Variants in ATG10 observed in about 807,000 individuals in gnomAD.
ATG10 encodes autophagy related 10.
In ATG10, 30 loss-of-function variants were observed where a neutral mutation model predicts 32.1. That is an observed-to-expected ratio of 0.94 (90% CI 0.70 to 1.27). The LOEUF is 1.27. Among genes scored for constraint, ATG10 ranks in the 50% most tolerant of loss-of-function variants. ATG10 has a pLI of 0.00. For synonymous variants in ATG10, 87 were observed against 91.5 expected (o/e 0.95, Z 0.28); for missense variants, 233 against 262.3 (o/e 0.89, Z 0.77).
chr5:82,246,569 T>C (rs1261754202), intron 5 of ATG10, among the ~76,000 whole-genome samples: 3 of 151,502 alleles, frequency 2.0e-5, no homozygotes, highest in Non-Finnish European at 4.4e-5. Context: ...AAAAATAAAA[T>C]ACAGCAACTT....
chr5:82,077,106 C>T (rs1430927855), intron 3 of ATG10, among the ~76,000 whole-genome samples: 1 of 152,162 alleles, frequency 6.6e-6, no homozygotes, highest in African/African-American at 2.4e-5. Flanking sequence ...GGCGACGCTT[C>T]AGCTCAGGAG....
At chr5:82,163,924 CT>C (rs572827232) in intron 3 of ATG10, among the ~76,000 whole-genome samples, 53 of 152,276 alleles carry the variant, frequency 3.5e-4, no homozygotes, top group African/African-American at 1.3e-3. Flanking sequence ...AAATAACTTT[CT>C]TATTCAAAAT....
chr5:82,139,336 C>G (rs541901449), intron 3 of ATG10, among the ~76,000 whole-genome samples: 1 of 150,196 alleles, frequency 6.7e-6, no homozygotes, highest in South Asian at 2.2e-4. Context: ...CTCTGCCTGG[C>G]TGCCCAGTCT....
At chr5:82,085,874 A>C (rs938753475) in intron 3 of ATG10, among the ~76,000 whole-genome samples, 1 of 152,122 alleles carries the variant, frequency 6.6e-6, no homozygotes, top group African/African-American at 2.4e-5. Context: ...AGACCCTCAA[A>C]ATACATTTAA....
At chr5:82,119,867 C>T (rs1765975237) in intron 3 of ATG10, among the ~76,000 whole-genome samples, 3 of 152,058 alleles carry the variant, frequency 2.0e-5, no homozygotes, top group African/African-American at 7.2e-5. Flanking sequence ...GACTAGGTTC[C>T]TTTACATTCA....
chr5:81,992,870 T>A (rs1477005579), intron 2 of ATG10, among the ~76,000 whole-genome samples: 1 of 152,064 alleles, frequency 6.6e-6, no homozygotes, highest in African/African-American at 2.4e-5. Context: ...GTAGGCAAAA[T>A]ATTTTTAATA....
intron 2 of ATG10, among the ~76,000 whole-genome samples, chr5:82,057,024 T>C (rs1298340805): frequency 6.6e-6 from 1 of 152,142 alleles, no homozygotes; most frequent in Non-Finnish European, 1.5e-5. Context: ...ATATCCTTAA[T>C]GAAATAATTA....
At chr5:82,162,994 T>C (rs914861058) in intron 3 of ATG10, among the ~76,000 whole-genome samples, 3 of 152,176 alleles carry the variant, frequency 2.0e-5, no homozygotes, top group Non-Finnish European at 4.4e-5. Flanking sequence ...TTTTCTTTTA[T>C]GTACTTGTGC....
At chr5:82,048,523 G>A (rs1016253159) in intron 2 of ATG10, among the ~76,000 whole-genome samples, 1 of 152,074 alleles carries the variant, frequency 6.6e-6, no homozygotes, top group Non-Finnish European at 1.5e-5. Flanking sequence ...AAAAGCAATG[G>A]CAACAAAAGC....
intron 2 of ATG10, among the ~76,000 whole-genome samples, chr5:82,007,186 A>T (rs1581591379): frequency 6.6e-6 from 1 of 152,238 alleles, no homozygotes; most frequent in African/African-American, 2.4e-5. Flanking sequence ...TATTTCTACA[A>T]ATTTTGATTT....
chr5:82,055,532 A>G (rs1763563062), intron 2 of ATG10, among the ~76,000 whole-genome samples: 1 of 152,146 alleles, frequency 6.6e-6, no homozygotes, highest in Non-Finnish European at 1.5e-5. Context: ...TGTTCCCTTA[A>G]GAGGAGGTTA....
chr5:82,130,744 C>T (rs188706454), intron 3 of ATG10, among the ~76,000 whole-genome samples: 129 of 152,260 alleles, frequency 8.5e-4, no homozygotes, highest in African/African-American at 2.8e-3. Flanking sequence ...CACCTACTTT[C>T]TGCATTGATC....
intron 1 of ATG10, among the ~76,000 whole-genome samples, chr5:81,974,053 C>T (rs1418321560): frequency 3.3e-5 from 5 of 152,088 alleles, no homozygotes; most frequent in Non-Finnish European, 7.3e-5. Context: ...TAATACATTT[C>T]TGAGAAAGGT....
rs60780834 is a variant in ATG10 at position 82,161,696 on chromosome 5, A to AACACACACACACACACACACACACAC, written c.217-2691_217-2666dup. On this transcript the variant is annotated intron_variant, in intron 3 of 7. Coordinates refer to ENST00000282185, the MANE Select transcript of ATG10 (RefSeq NM_031482.5). Reference sequence around the variant, plus strand: ...GCTCAATAGAGAAGATTAGAGAATAAACACACACACACACACACACACACA... The same window carrying AACACACACACACACACACACACACAC: ...GCTCAATAGAGAAGATTAGAGAATAAACACACACACACACACACACACACACACACACACACACACACACACACACA... Among the ~76,000 whole-genome samples the AACACACACACACACACACACACACAC allele has an allele frequency of 1.4e-3, 176 of 129,716 alleles. 2 individuals carry two copies. The highest frequency in any genetic ancestry group is 1.6e-3 in the Non-Finnish European group (101 of 62,814). 85.1% of individuals were successfully genotyped at this position (129,716 alleles called of 152,430 possible).
chr5:82,132,483 T>A (rs1766581087), intron 3 of ATG10, among the ~76,000 whole-genome samples: 1 of 141,978 alleles, frequency 7.0e-6, no homozygotes, highest in Non-Finnish European at 1.5e-5. Context: ...CAACTCCCAC[T>A]TAAGAGTGAG....
At chr5:82,008,932 A>G (rs550434270) in intron 2 of ATG10, among the ~76,000 whole-genome samples, 1 of 152,384 alleles carries the variant, frequency 6.6e-6, no homozygotes, top group Admixed American at 6.5e-5. Flanking sequence ...AGAATTGTCA[A>G]ATGAACTGAA....
chr5:82,092,893 C>G (rs1261723199), intron 3 of ATG10, among the ~76,000 whole-genome samples: 3 of 152,106 alleles, frequency 2.0e-5, no homozygotes, highest in South Asian at 2.1e-4. Flanking sequence ...CTCTTGATAT[C>G]CAAATGTTCT....
rs150038077 is a variant in ATG10, at chr5:82,183,949, G to A, written c.453+5362G>A. On this transcript the variant is annotated intron_variant, in intron 5 of 7. Transcript: ENST00000282185. The stretch of plus-strand genomic sequence containing the variant: ...CTCATCTTTAGCCAGTGGAAGTCTG[G>A]CCAAAGACATTGGCTCCTGAGTCAT... 2.9e-3 allele frequency among the ~76,000 whole-genome samples: 434 copies of A among 152,260 alleles called. 1 individual carries two copies. Among genetic ancestry groups the A allele is most frequent in the African/African-American group, 1.0e-2 (414 of 41,554 alleles).
At chr5:81,980,636 A>G (rs1386370236) in intron 1 of ATG10, among the ~76,000 whole-genome samples, 1 of 152,178 alleles carries the variant, frequency 6.6e-6, no homozygotes, top group Non-Finnish European at 1.5e-5. Context: ...GTGATTTGAA[A>G]TAATTTATAG....
Sources: allele counts gnomAD v4.1 joint callset (sites outside exome capture counted in the v4.1 genomes callset), GRCh38; gene constraint gnomAD v4.1.1; transcripts MANE v1.5; gene names NCBI Gene and HGNC (gene_info 2026-07-23, HGNC 2026-07-21).